MYO10: variants seen among roughly 807,000 people sequenced by gnomAD.
MYO10 encodes the protein unconventional myosin-X.
In MYO10, 133 loss-of-function variants were observed where a neutral mutation model predicts 257.3. That is an observed-to-expected ratio of 0.52 (90% CI 0.45 to 0.60). MYO10 has a LOEUF of 0.60. MYO10 is among the 20% of genes least tolerant of loss of function. MYO10 has a pLI of 0.00. For synonymous variants in MYO10, 1,104 were observed against 1,028.6 expected, an observed-to-expected ratio of 1.07 and a Z score of -1.40; for missense variants, 2,399 against 2,635.7, an observed-to-expected ratio of 0.91 and a Z score of 1.97.
At chr5:16,817,157 G>T (rs1325064951) in intron 3 of MYO10, among the ~76,000 whole-genome samples, 2 of 152,120 alleles carry the variant, frequency 1.3e-5, no homozygotes, top group Non-Finnish European at 2.9e-5. Context: ...AAACATATTG[G>T]CAAAGAAATG....
rs112655451 is a variant in MYO10 at position 16,781,241 on chromosome 5, G to A, written c.727+464C>T. 4.5e-3 allele frequency among the ~76,000 whole-genome samples: 682 copies of A among 151,564 alleles called. 5 individuals are homozygous for A. The highest frequency in any genetic ancestry group is 0.016 in the African/African-American group (643 of 41,298). On this transcript the variant is annotated intron_variant, in intron 6 of 40. Coordinates refer to ENST00000513610, the MANE Select transcript of MYO10 (RefSeq NM_012334.3). ...AATACAGGCACACGCCACCAAGCCT[G>A]GCTAATTTTTGTATTTTTAGTATCG...
chr5:16,877,540 C>T lies in MYO10; in HGVS notation c.120+69G>A, dbSNP rs2126762151. 12 of 1,266,898 alleles carry T rather than the reference C, an allele frequency of 9.5e-6. No individual in the cohort carries two copies. In the South Asian group the frequency reaches 1.4e-4, roughly 14 times the overall value. 78.5% of individuals were successfully genotyped at this position (1,266,898 alleles called of 1,614,324 possible). On this transcript the variant is annotated intron_variant, in intron 2 of 40. Coordinates refer to ENST00000513610, the MANE Select transcript of MYO10 (RefSeq NM_012334.3). ...TGTATGTGTAGGGGGGCCAAGCACA[C>T]ATGCCCTGGGCACGAATAGCTACAA... is the stretch of plus-strand genomic sequence containing the variant.
At position 16,813,796 on chromosome 5, in the gene MYO10, CAGAG is replaced by C. The variant is rs796672223; in HGVS notation, c.279+4209_279+4212del. On this transcript the variant is annotated intron_variant, in intron 3 of 40. Coordinates refer to ENST00000513610, the MANE Select transcript of MYO10 (RefSeq NM_012334.3). The stretch of plus-strand genomic sequence containing the variant: ...GCAGACAGCCTTTCTTGGCTGCAGT[CAGAG>C]AGAGAGAAAGAAGACAGTGGAGGAG... 9.3e-4 allele frequency among the ~76,000 whole-genome samples: 141 copies of C among 151,990 alleles called. 1 individual carries two copies. The highest frequency in any genetic ancestry group is 6.9e-3 in the Middle Eastern group (2 of 290).
intron 2 of MYO10, among the ~76,000 whole-genome samples, chr5:16,840,444 T>TGAATGAATGAAAGAAA (rs111737680): frequency 1.5e-4 from 15 of 100,904 alleles, no homozygotes; most frequent in African/African-American, 5.4e-4. Flanking sequence ...AATGAATGAA[T>TGAATGAATGAAAGAAA]GAAAGAAAGA....
chr5:16,894,733 C>T (rs1046858104), intron 1 of MYO10, among the ~76,000 whole-genome samples: 1 of 152,194 alleles, frequency 6.6e-6, no homozygotes, highest in Non-Finnish European at 1.5e-5. Flanking sequence ...ATCATTGAAA[C>T]TTGACACCAG....
chr5:16,701,473 G>A lies in MYO10; in HGVS notation c.2922C>T (p.Ser974=), dbSNP rs779767436. ...GSEFSSELAE[S]ACEEKPNFNF... ...TGAAGTTGGGCTTCTCCTCGCATGC[G>A]CTCTCAGCCAGCTCGCTGGAAAATT... Residue 974 remains serine, a synonymous_variant, in exon 25 of 41, where the codon AGC becomes AGT. Transcript: ENST00000513610. This position sits in a 1 kb window ranked among gnomAD's most constrained non-coding sequence, Gnocchi z 8.1. The A allele has an allele frequency of 3.5e-5, 57 of 1,613,806 alleles. No homozygotes were observed. The highest frequency in any genetic ancestry group is 2.3e-4 in the South Asian group (21 of 91,080).
At chr5:16,872,352 GA>G (rs1315347545) in intron 2 of MYO10, among the ~76,000 whole-genome samples, 2 of 152,170 alleles carry the variant, frequency 1.3e-5, no homozygotes, top group African/African-American at 4.8e-5. Flanking sequence ...AAAGTCATAG[GA>G]ACAGAAAGAA....
At chr5:16,741,288 C>T (rs1740009432) in intron 19 of MYO10, among the ~76,000 whole-genome samples, 1 of 152,190 alleles carries the variant, frequency 6.6e-6, no homozygotes, top group African/African-American at 2.4e-5. Flanking sequence ...TGATATTCAA[C>T]AGATGACCAT....
Position 16,673,901 on chromosome 5 carries a change from A to ACACTAACT in MYO10, c.4965-20_4965-13dup. The stretch of plus-strand genomic sequence containing the variant: ...ACTGTTCCCGTATCCTAGGAGGCAA[A>ACACTAACT]CACTAACTGTTAATTTTTAGACTGA... On this transcript the variant is annotated splice_polypyrimidine_tract_variant and intron_variant, in intron 35 of 40. Coordinates refer to ENST00000513610, the MANE Select transcript of MYO10 (RefSeq NM_012334.3). 1.2e-6 allele frequency: 2 copies of ACACTAACT among 1,612,318 alleles called. No homozygotes were observed. The highest frequency in any genetic ancestry group is 1.7e-6 in the Non-Finnish European group (2 of 1,178,652).
At chr5:16,875,336 G>A (rs1225811902) in intron 2 of MYO10, among the ~76,000 whole-genome samples, 6 of 152,300 alleles carry the variant, frequency 3.9e-5, no homozygotes, top group South Asian at 2.1e-4. Flanking sequence ...ACAGAAGACA[G>A]GCGGAGTGAC....
intron 2 of MYO10, among the ~76,000 whole-genome samples, chr5:16,873,209 G>T (rs1370338646): frequency 2.6e-5 from 4 of 152,188 alleles, no homozygotes; most frequent in Non-Finnish European, 5.9e-5. Flanking sequence ...CCAAATAGGA[G>T]AAATTGGCCA....
intron 1 of MYO10, among the ~76,000 whole-genome samples, chr5:16,905,813 T>C (rs753891394): frequency 5.9e-5 from 9 of 152,146 alleles, no homozygotes; most frequent in Non-Finnish European, 1.2e-4. Context: ...GGTAGCGTCT[T>C]CACACATGAA....
chr5:16,904,128 G>C (rs1745456922), intron 1 of MYO10, among the ~76,000 whole-genome samples: 1 of 152,148 alleles, frequency 6.6e-6, no homozygotes, highest in Admixed American at 6.5e-5. Flanking sequence ...ATCAGTCATG[G>C]TTGCGTCATA....
At chr5:16,718,138 A>G (rs535996674) in intron 19 of MYO10, among the ~76,000 whole-genome samples, 3 of 152,298 alleles carry the variant, frequency 2.0e-5, no homozygotes, top group East Asian at 1.9e-4. Context: ...AGGCAGTGCC[A>G]GCCCACCGGC....
chr5:16,916,821 C>T (rs994211426), intron 1 of MYO10, among the ~76,000 whole-genome samples: 4 of 152,160 alleles, frequency 2.6e-5, no homozygotes, highest in African/African-American at 9.7e-5. Flanking sequence ...GGTTCACGTA[C>T]CCCATTCAAA....
At chr5:16,756,285 C>T (rs528127487) in intron 18 of MYO10, among the ~76,000 whole-genome samples, 4 of 152,204 alleles carry the variant, frequency 2.6e-5, no homozygotes, top group African/African-American at 7.2e-5. Context: ...AGGCTGGTCT[C>T]GAACTCCTCG....
intron 2 of MYO10, among the ~76,000 whole-genome samples, chr5:16,818,649 G>A (rs960503670): frequency 5.3e-5 from 8 of 151,132 alleles, no homozygotes; most frequent in African/African-American, 2.0e-4. Flanking sequence ...TGTTGCCCAG[G>A]CTGGTCTCAA....
chr5:16,699,772 G>C (rs1737949917), intron 25 of MYO10, 199 bp from the exon 26 acceptor site: 14 of 150,634 alleles, frequency 9.3e-5, no homozygotes, highest in East Asian at 1.6e-4. Flanking sequence ...GGGCAACAGA[G>C]CAAGCCTCAG....
Position 16,734,854 on chromosome 5 carries a change from ATGAC to A in MYO10, c.1929+19970_1929+19973del, listed in dbSNP as rs556821415. 3.5e-3 allele frequency among the ~76,000 whole-genome samples: 533 copies of A among 151,728 alleles called. 1 individual carries two copies. Among genetic ancestry groups the A allele is most frequent in the South Asian group, 0.015 (72 of 4,786 alleles). ...GCCACTTCTTTCCATAATGATGACT[ATGAC>A]TGCTGTTTATCAGCCACCACGGCCA... On this transcript the variant is annotated intron_variant, in intron 19 of 40. Coordinates refer to ENST00000513610, the MANE Select transcript of MYO10 (RefSeq NM_012334.3).
Sources: gnomAD v4.1 joint callset for allele counts (sites outside exome capture counted in the v4.1 genomes callset) on GRCh38, gnomAD v4.1.1 for gene constraint, Gnocchi (gnomAD v3.1) non-coding constraint, MANE v1.5 for transcripts, NCBI Gene and HGNC (gene_info 2026-07-23, HGNC 2026-07-21) for gene names.